The following KMT2C variants were observed in gnomAD, a reference collection of about 807,000 sequenced individuals.
The protein encoded by KMT2C is histone-lysine N-methyltransferase 2C.
A neutral mutation model predicts 507.9 loss-of-function variants in KMT2C; 88 were observed. The ratio of observed to expected loss-of-function variants is 0.17; its 90% CI spans 0.15 to 0.21. The LOEUF (loss-of-function observed/expected upper bound fraction) is 0.21. Among genes scored for constraint, KMT2C ranks in the 10% least tolerant of loss-of-function variants. The pLI is 1.00. For missense variants in KMT2C, 4,954 were observed against 5,957.8 expected (o/e 0.83, Z 5.55); for synonymous variants, 2,049 against 2,080.8 (o/e 0.98, Z 0.42).
chr7:152,217,330 T>C (rs1266551028), intron 23 of KMT2C, among the ~76,000 whole-genome samples: 1 of 152,198 alleles, frequency 6.6e-6, no homozygotes, highest in Non-Finnish European at 1.5e-5. Context: ...CAGGATAATA[T>C]AGTAATCTAA....
intron 1 of KMT2C, among the ~76,000 whole-genome samples, chr7:152,430,846 A>G (rs1179936175): frequency 6.6e-6 from 1 of 152,196 alleles, no homozygotes; most frequent in African/African-American, 2.4e-5. Context: ...AATGTCCTTT[A>G]TAACTGGAAA....
chr7:152,192,897 C>T (rs141996659), intron 31 of KMT2C, among the ~76,000 whole-genome samples: 8 of 151,854 alleles, frequency 5.3e-5, no homozygotes, highest in Admixed American at 2.0e-4. Context: ...ATACTAGCTG[C>T]GCACAGAGGG....
intron 23 of KMT2C, among the ~76,000 whole-genome samples, chr7:152,218,253 C>T (rs1449039776): frequency 6.6e-6 from 1 of 152,124 alleles, no homozygotes; most frequent in East Asian, 1.9e-4. Flanking sequence ...CAACCTCTGC[C>T]TCCTGGGTTC....
At position 152,150,944 on chromosome 7, in the gene KMT2C, T is replaced by C. The variant is rs1162561170; in HGVS notation, c.12730A>G (p.Ile4244Val). The change falls in exon 51 of 59, where the codon ATT becomes GTT. Residue 4244 changes from isoleucine (I) to valine (V), a missense_variant. By Grantham distance (29) the Ile-to-Val change is conservative (BLOSUM62 3). Around this residue, in one of 29 missense-constraint regions of KMT2C, gnomAD observed 417 missense variants for 461.1 expected, o/e 0.90. Coordinates refer to ENST00000262189, the MANE Select transcript of KMT2C (RefSeq NM_170606.3). ...GCTTGTGCAGTTGATGAATAAAGAATAAAGCAGTTATTACTACAGAAGACA... is the reference window on the plus strand; with the variant it reads ...GCTTGTGCAGTTGATGAATAAAGAACAAAGCAGTTATTACTACAGAAGACA... The part of the protein sequence containing the change: ...DIVFCSNNCF[I>V]LYSSTAQAKN... 3 of 1,613,714 alleles carry C rather than the reference T, an allele frequency of 1.9e-6. No homozygotes were observed. The highest frequency in any genetic ancestry group is 2.2e-5 in the South Asian group (2 of 91,038).
Position 152,181,230 on chromosome 7 carries a change from T to G in KMT2C, c.6630A>C (p.Pro2210=). The G allele has an allele frequency of 6.2e-7, 1 of 1,614,016 alleles. No individual in the cohort carries two copies. The highest frequency in any genetic ancestry group is 8.5e-7 in the Non-Finnish European group (1 of 1,180,004). ...SDPYAHPPGT[P]RPGISVPYSQ... ...AGTAAGGGACAGAAATTCCAGGTCT[T>G]GGTGTTCCAGGAGGATGAGCATATG... The change falls in exon 36 of 59, where the codon CCA becomes CCC. Residue 2210 remains proline (P), a synonymous_variant. Transcript: ENST00000262189.
chr7:152,359,964 G>T (rs935400517), intron 1 of KMT2C, among the ~76,000 whole-genome samples: 20 of 146,076 alleles, frequency 1.4e-4, no homozygotes, highest in African/African-American at 4.8e-4. Flanking sequence ...CACAAGAATC[G>T]CTTGAACCTG....
At chr7:152,427,671 A>G (rs1016415494) in intron 1 of KMT2C, among the ~76,000 whole-genome samples, 1 of 152,136 alleles carries the variant, frequency 6.6e-6, no homozygotes, top group Non-Finnish European at 1.5e-5. Flanking sequence ...TTTTCCGGGT[A>G]TAACTGGTCC....
chr7:152,242,211 T>C (rs1488057882), intron 14 of KMT2C, among the ~76,000 whole-genome samples: 2 of 152,196 alleles, frequency 1.3e-5, no homozygotes, highest in Non-Finnish European at 2.9e-5. Context: ...CCCCTTTCTG[T>C]TCACTGCTAT....
chr7:152,187,808 C>T lies in KMT2C; in HGVS notation c.4700G>A (p.Gly1567Glu). Residue 1567 changes from glycine (G) to glutamate (E), a missense_variant, in exon 32 of 59, where the codon GGA becomes GAA. Physicochemically the swap from Gly to Glu is moderately conservative, Grantham distance 98 (BLOSUM62 -2). Transcript: ENST00000262189. ...SRMPLMNGLI[G>E]SSPHLPHNSL... The stretch of plus-strand genomic sequence containing the variant: ...ATTATGTGGGAGATGAGGACTGGAT[C>T]CAATAAGGCCATTCATGAGAGGCAT... 1 of 1,613,878 alleles carries T rather than the reference C, an allele frequency of 6.2e-7. No homozygotes were observed. The highest frequency in any genetic ancestry group is 8.5e-7 in the Non-Finnish European group (1 of 1,179,886).
intron 1 of KMT2C, among the ~76,000 whole-genome samples, chr7:152,409,657 G>A (rs972362306): frequency 6.6e-6 from 1 of 152,122 alleles, no homozygotes; most frequent in African/African-American, 2.4e-5. Context: ...CTTGAACCCA[G>A]GAGGCGGAGC....
At chr7:152,329,060 G>C (rs2096856428) in intron 3 of KMT2C, among the ~76,000 whole-genome samples, 1 of 152,018 alleles carries the variant, frequency 6.6e-6, no homozygotes, top group Non-Finnish European at 1.5e-5. Flanking sequence ...GAACACGTGA[G>C]ACTCTTAAGG....
intron 31 of KMT2C, 36 bp downstream of exon 31, chr7:152,193,973 G>T (rs907826450): frequency 3.3e-6 from 5 of 1,493,760 alleles, no homozygotes; most frequent in Non-Finnish European, 4.4e-6. Context: ...ACACATGTGT[G>T]TGAATATAAT....
intron 1 of KMT2C, among the ~76,000 whole-genome samples, chr7:152,424,298 A>G (rs1157775395): frequency 2.0e-5 from 3 of 152,076 alleles, no homozygotes; most frequent in African/African-American, 7.2e-5. Context: ...CTTTGTTCTT[A>G]GCGTCCCTTA....
At chr7:152,398,985 C>T (rs2097554644) in intron 1 of KMT2C, among the ~76,000 whole-genome samples, 1 of 151,244 alleles carries the variant, frequency 6.6e-6, no homozygotes, top group Non-Finnish European at 1.5e-5. Flanking sequence ...CACCACCAAG[C>T]CCAGCTAATT....
rs542291829 is a variant in KMT2C at position 152,330,989 on chromosome 7, G to A, written c.251-250C>T. ...TTGTGCCCAAATTATAGCTGACTCAGAGAAGTTTCATCCTAGTAATAAATG... is the reference window on the plus strand; with the variant it reads ...TTGTGCCCAAATTATAGCTGACTCAAAGAAGTTTCATCCTAGTAATAAATG... On this transcript the variant is annotated intron_variant, in intron 2 of 58. Transcript: ENST00000262189. 7.2e-4 allele frequency among the ~76,000 whole-genome samples: 109 copies of A among 152,232 alleles called. 2 individuals carry two copies. In the South Asian group the frequency reaches 0.01, roughly 14 times the overall value.
chr7:152,256,031 T>A (rs951921746), intron 9 of KMT2C, among the ~76,000 whole-genome samples: 4 of 152,086 alleles, frequency 2.6e-5, no homozygotes, highest in African/African-American at 9.7e-5. Context: ...TAGCTGGGCG[T>A]GGTGGCGCAT....
At chr7:152,200,466 C>T (rs1304957873) in intron 26 of KMT2C, among the ~76,000 whole-genome samples, 2 of 152,174 alleles carry the variant, frequency 1.3e-5, no homozygotes, top group African/African-American at 4.8e-5. Context: ...CAGTAGCTCA[C>T]GCCTGTAATC....
intron 23 of KMT2C, among the ~76,000 whole-genome samples, chr7:152,216,105 C>A (rs1367117723): frequency 1.3e-5 from 2 of 152,146 alleles, no homozygotes; most frequent in African/African-American, 2.4e-5. Flanking sequence ...CAGTCCTATT[C>A]CCACACCTCC....
rs147528323 is a variant in KMT2C at position 152,146,796 on chromosome 7, C to T, written c.13895-61G>A. 1.4e-3 allele frequency: 2,084 copies of T among 1,439,280 alleles called. 26 individuals carry two copies. In the African/African-American group the frequency reaches 0.027, roughly 18 times the overall value. The allele number at this position is 1,439,280 out of a possible 1,614,324, so 89.2% of individuals were successfully genotyped here. Reference sequence around the variant, plus strand: ...TAGGATACAGTATAAAAAACAAGAGCAAAATGAAGAATAACCACTCACAAG... The same window carrying T: ...TAGGATACAGTATAAAAAACAAGAGTAAAATGAAGAATAACCACTCACAAG... On this transcript the variant is annotated intron_variant, in intron 52 of 58. Coordinates refer to ENST00000262189, the MANE Select transcript of KMT2C (RefSeq NM_170606.3).
Sources: allele counts gnomAD v4.1 joint callset (sites outside exome capture counted in the v4.1 genomes callset), GRCh38; gene constraint gnomAD v4.1.1; regional missense constraint gnomAD v4.1.1; transcripts MANE v1.5; gene names NCBI Gene and HGNC (gene_info 2026-07-23, HGNC 2026-07-21).